GABBR2: variants seen among roughly 807,000 people sequenced by gnomAD.
GABBR2 encodes the protein G-protein coupled receptor 51.
A neutral mutation model predicts 105.6 loss-of-function variants in GABBR2; 23 were observed. That is an observed-to-expected ratio of 0.22 (90% CI 0.16 to 0.31). The LOEUF (loss-of-function observed/expected upper bound fraction) is 0.31, where lower values mean the gene tolerates loss of function less well. Ranked by LOEUF, GABBR2 falls within the 10% of genes least tolerant of loss-of-function variation. The probability of loss-of-function intolerance (pLI) is 1.00; values close to 1 mark genes in which losing one functional copy is unlikely to be tolerated. For missense variants in GABBR2, 734 were observed against 1,245.5 expected (o/e 0.59, Z 6.18); for synonymous variants, 478 against 499.7 (o/e 0.96, Z 0.58).
intron 1 of GABBR2, among the ~76,000 whole-genome samples, chr9:98,602,370 G>A (rs1829351938): frequency 6.6e-6 from 1 of 150,876 alleles, no homozygotes; most frequent in African/African-American, 2.4e-5. Context: ...TACTTGGAAG[G>A]CTGAGGCAGG....
At chr9:98,595,384 G>A (rs1829219386) in intron 1 of GABBR2, among the ~76,000 whole-genome samples, 1 of 151,634 alleles carries the variant, frequency 6.6e-6, no homozygotes, top group Non-Finnish European at 1.5e-5. Flanking sequence ...TGGGGGAAAG[G>A]AAACTTTTAG....
intron 1 of GABBR2, among the ~76,000 whole-genome samples, chr9:98,659,994 C>T (rs1199360422): frequency 2.0e-5 from 3 of 152,198 alleles, no homozygotes; most frequent in East Asian, 3.9e-4. Flanking sequence ...ATTTTATATG[C>T]ATATTTTAAG....
At chr9:98,339,030 T>C (rs183930174) in intron 13 of GABBR2, among the ~76,000 whole-genome samples, 40 of 152,274 alleles carry the variant, frequency 2.6e-4, no homozygotes, top group African/African-American at 9.1e-4. Flanking sequence ...CAAAAGTCCA[T>C]AGATTGTTTG....
intron 1 of GABBR2, among the ~76,000 whole-genome samples, chr9:98,700,952 C>T (rs1335604500): frequency 6.6e-6 from 1 of 152,148 alleles, no homozygotes; most frequent in Admixed American, 6.5e-5. Context: ...TTTGTGTGGG[C>T]AATAAATAAT....
chr9:98,668,883 T>TTG (rs35341252), intron 1 of GABBR2, among the ~76,000 whole-genome samples: 6,329 of 147,658 alleles, frequency 0.043, 130 homozygotes, highest in Non-Finnish European at 0.049. Flanking sequence ...ATATTCCATT[T>TTG]TGTGTGTGTG....
At chr9:98,583,508 T>C (rs1229560743) in intron 1 of GABBR2, among the ~76,000 whole-genome samples, 1 of 152,248 alleles carries the variant, frequency 6.6e-6, no homozygotes, top group African/African-American at 2.4e-5. Context: ...GCAGGCTTCA[T>C]TGCTAGCAGC....
intron 3 of GABBR2, among the ~76,000 whole-genome samples, chr9:98,526,954 GA>G (rs77438438): frequency 0.11 from 17,027 of 151,740 alleles, 1,613 homozygotes; most frequent in East Asian, 0.49. Context: ...ACCTTACTAA[GA>G]GCATTCTCAT....
At position 98,473,366 on chromosome 9, in the gene GABBR2, T is replaced by A. The variant is rs1387232843; in HGVS notation, c.799-20A>T. The A allele has an allele frequency of 4.5e-6, 7 of 1,540,422 alleles. 1 individual carries two copies. In the South Asian group the frequency reaches 5.6e-5, roughly 12 times the overall value. On this transcript the variant is annotated intron_variant, in intron 5 of 18. Coordinates refer to ENST00000259455, the MANE Select transcript of GABBR2 (RefSeq NM_005458.8). Reference sequence around the variant, plus strand: ...GTATGCCTGTAAAAGATGGAGTGACTATGAGGGCATTGAGAGTCGCACAGT... The same window carrying A: ...GTATGCCTGTAAAAGATGGAGTGACAATGAGGGCATTGAGAGTCGCACAGT...
At chr9:98,517,161 G>A (rs1315780749) in intron 3 of GABBR2, among the ~76,000 whole-genome samples, 2 of 152,190 alleles carry the variant, frequency 1.3e-5, no homozygotes, top group East Asian at 1.9e-4. Flanking sequence ...CCCCAGGACC[G>A]CCTGCACCCA....
chr9:98,494,789 G>A (rs16916497), intron 4 of GABBR2, among the ~76,000 whole-genome samples: 3,341 of 152,320 alleles, frequency 0.022, 128 homozygotes, highest in African/African-American at 0.075. Context: ...GGTTAATGTC[G>A]TTGCTACTTC....
At chr9:98,667,478 C>T (rs2131858327) in intron 1 of GABBR2, among the ~76,000 whole-genome samples, 1 of 152,246 alleles carries the variant, frequency 6.6e-6, no homozygotes. Flanking sequence ...CTGCGTTACC[C>T]ACATTTATGT....
chr9:98,633,223 G>GA lies in GABBR2; in HGVS notation c.322-55152dup, dbSNP rs796190529. 1.1e-3 allele frequency among the ~76,000 whole-genome samples: 166 copies of GA among 152,326 alleles called. 1 individual carries two copies. Among genetic ancestry groups the GA allele is most frequent in the African/African-American group, 3.7e-3 (152 of 41,578 alleles). On this transcript the variant is annotated intron_variant, in intron 1 of 18. Transcript: ENST00000259455. ...GTGTGAGAAGTGTGAGAAGTGCTAT[G>GA]AAAAACGTGGCAAAATGTCAGGTGC...
At chr9:98,432,459 G>A (rs192448376) in intron 7 of GABBR2, among the ~76,000 whole-genome samples, 59 of 152,318 alleles carry the variant, frequency 3.9e-4, no homozygotes, top group Non-Finnish European at 6.6e-4. Context: ...ACTGAGGTGG[G>A]TGGGAAGGTG....
In GABBR2 at chr9:98,437,709, T is replaced by TCCAC. The variant is rs201787813; in HGVS notation, c.1236+16268_1236+16271dup. 7.1e-3 allele frequency among the ~76,000 whole-genome samples: 1,080 copies of TCCAC among 151,314 alleles called. 37 individuals are homozygous for TCCAC. The East Asian group carries it at 0.099, about 14-fold the overall frequency. The stretch of plus-strand genomic sequence containing the variant: ...ATTCACATAACTATCCATCCATCCA[T>TCCAC]CCACCCACCCATCCACCCATATATC... On this transcript the variant is annotated intron_variant, in intron 7 of 18. Coordinates refer to ENST00000259455, the MANE Select transcript of GABBR2 (RefSeq NM_005458.8).
At chr9:98,381,434 A>T (rs1831974347) in intron 11 of GABBR2, among the ~76,000 whole-genome samples, 1 of 152,202 alleles carries the variant, frequency 6.6e-6, no homozygotes, top group South Asian at 2.1e-4. Context: ...CACCAAGTGA[A>T]ATTAAGGAGC....
chr9:98,408,229 C>T (rs1168136217), intron 7 of GABBR2, among the ~76,000 whole-genome samples: 1 of 152,210 alleles, frequency 6.6e-6, no homozygotes, highest in Admixed American at 6.5e-5. Context: ...CCCCCAGCCA[C>T]GATGTCTTCA....
chr9:98,572,965 C>G (rs895073214), intron 2 of GABBR2, among the ~76,000 whole-genome samples: 2 of 152,186 alleles, frequency 1.3e-5, no homozygotes, highest in Admixed American at 6.5e-5. Context: ...CATCTTCCCC[C>G]ACAAGGAGCC....
At chr9:98,697,063 G>T (rs1830762182) in intron 1 of GABBR2, among the ~76,000 whole-genome samples, 1 of 152,168 alleles carries the variant, frequency 6.6e-6, no homozygotes, top group Admixed American at 6.5e-5. Context: ...GAAGATGGTG[G>T]TTTACTCAGA....
At chr9:98,429,121 GGTGTGTGTGTGT>G (rs56248488) in intron 7 of GABBR2, among the ~76,000 whole-genome samples, 17 of 145,580 alleles carry the variant, frequency 1.2e-4, no homozygotes, top group African/African-American at 3.3e-4. Flanking sequence ...CCAGGTTTTT[GGTGTGTGTGTGT>G]GTGTGTGTGT....
Sources: gnomAD v4.1 joint callset for allele counts (sites outside exome capture counted in the v4.1 genomes callset) on GRCh38, gnomAD v4.1.1 for gene constraint, MANE v1.5 for transcripts, NCBI Gene and HGNC (gene_info 2026-07-23, HGNC 2026-07-21) for gene names.